KPNA4: variants seen among roughly 807,000 people sequenced by gnomAD.
The protein encoded by KPNA4 is importin subunit alpha-3.
Under a neutral mutation model 71.3 loss-of-function variants are expected in KPNA4, and 13 were observed. The ratio of observed to expected loss-of-function variants is 0.18; its 90% CI spans 0.12 to 0.29. The LOEUF (loss-of-function observed/expected upper bound fraction) is 0.29. Among genes scored for constraint, KPNA4 ranks in the 10% least tolerant of loss-of-function variants. The pLI is 1.00. For missense variants in KPNA4, 334 were observed against 603.2 expected (o/e 0.55, Z 4.67); for synonymous variants, 189 against 195.2 (o/e 0.97, Z 0.26).
intron 1 of KPNA4, among the ~76,000 whole-genome samples, chr3:160,554,451 T>A (rs973761774): frequency 1.3e-5 from 2 of 152,332 alleles, no homozygotes; most frequent in Non-Finnish European, 2.9e-5. Context: ...TTTCATATTG[T>A]GATACTGTGA....
intron 15 of KPNA4, among the ~76,000 whole-genome samples, chr3:160,507,328 G>C (rs987874545): frequency 6.6e-6 from 1 of 151,834 alleles, no homozygotes; most frequent in African/African-American, 2.4e-5. Flanking sequence ...ATGAAACCCC[G>C]TCTCTACTAA....
intron 1 of KPNA4, among the ~76,000 whole-genome samples, chr3:160,554,164 C>T (rs1295998701): frequency 6.6e-6 from 1 of 152,228 alleles, no homozygotes; most frequent in Non-Finnish European, 1.5e-5. Context: ...TCCCACTCAT[C>T]TCTTACGTTT....
At chr3:160,550,032 T>C (rs1397311378) in intron 1 of KPNA4, among the ~76,000 whole-genome samples, 1 of 152,210 alleles carries the variant, frequency 6.6e-6, no homozygotes, top group Non-Finnish European at 1.5e-5. Context: ...GATTGTTCAC[T>C]GTTAGTGTAT....
At position 160,508,116 on chromosome 3, in the gene KPNA4, C is replaced by G; in HGVS notation, c.1363G>C (p.Glu455Gln). The change falls in exon 15 of 17, where the codon GAA becomes CAA. Residue 455 changes from glutamate to glutamine, a missense_variant. Transcript: ENST00000334256. Reference sequence around the variant, plus strand: ...CTTATAATAAACTTACCTCCACATTCTTCTATAAGATTGCCTATGGTTTCT... The same window carrying G: ...CTTATAATAAACTTACCTCCACATTGTTCTATAAGATTGCCTATGGTTTCT... Reference protein sequence around the residue: ...EAETIGNLIEECGGLEKIEQL... With the variant: ...EAETIGNLIEQCGGLEKIEQL... 1.3e-6 allele frequency: 2 copies of G among 1,598,126 alleles called. No individual in the cohort carries two copies. Among genetic ancestry groups the G allele is most frequent in the Middle Eastern group, 3.3e-4 (2 of 5,984 alleles).
rs1361878725 is a variant in KPNA4, at chr3:160,508,116, C to T, written c.1363G>A (p.Glu455Lys). 6.3e-7 allele frequency: 1 copy of T among 1,598,126 alleles called. No individual in the cohort carries two copies. Among genetic ancestry groups the T allele is most frequent in the Admixed American group, 1.8e-5 (1 of 57,022 alleles). The stretch of plus-strand genomic sequence containing the variant: ...CTTATAATAAACTTACCTCCACATT[C>T]TTCTATAAGATTGCCTATGGTTTCT... ...EAETIGNLIE[E>K]CGGLEKIEQL... Residue 455 changes from glutamate (E) to lysine (K), a missense_variant, in exon 15 of 17, where the codon GAA becomes AAA. Glu to Lys is a moderately conservative substitution (Grantham distance 56). Transcript: ENST00000334256.
intron 10 of KPNA4, among the ~76,000 whole-genome samples, chr3:160,525,522 C>T (rs912351150): frequency 2.0e-5 from 3 of 152,120 alleles, no homozygotes; most frequent in African/African-American, 7.2e-5. Flanking sequence ...GTTTTTATAA[C>T]ACTAATATAT....
chr3:160,513,919 G>A (rs904315104), intron 13 of KPNA4, among the ~76,000 whole-genome samples, 158 bp downstream of exon 13: 40 of 151,976 alleles, frequency 2.6e-4, no homozygotes, highest in Non-Finnish European at 5.9e-5. Context: ...TATAAAAATG[G>A]CTAGGTTCAA....
chr3:160,515,572 T>A lies in KPNA4; in HGVS notation c.912A>T (p.Ala304=). The A allele has an allele frequency of 6.2e-7, 1 of 1,613,338 alleles. No homozygotes were observed. The highest frequency in any genetic ancestry group is 8.5e-7 in the Non-Finnish European group (1 of 1,179,612). The change falls in exon 12 of 17, where the codon GCA becomes GCT. Residue 304 remains alanine (A), a synonymous_variant. Coordinates refer to ENST00000334256, the MANE Select transcript of KPNA4 (RefSeq NM_002268.5). The part of the protein sequence containing the change: ...SHQEVKVQTA[A]LRAVGNIVTG... ...TAACAATGTTGCCCACAGCTCTAAG[T>A]GCAGCAGTCTGAAATGCACAATGAG...
chr3:160,544,081 C>T (rs1721858574), intron 1 of KPNA4, among the ~76,000 whole-genome samples: 1 of 152,146 alleles, frequency 6.6e-6, no homozygotes, highest in Non-Finnish European at 1.5e-5. Flanking sequence ...TGGTCCTGAA[C>T]TCCTGACCTC....
In KPNA4 at chr3:160,528,733, TGG is replaced by T. The variant is rs370174353; in HGVS notation, c.470-696_470-695del. On this transcript the variant is annotated intron_variant, in intron 7 of 16. Coordinates refer to ENST00000334256, the MANE Select transcript of KPNA4 (RefSeq NM_002268.5). ...GTCTTTAAGACAGGCCAGTGATTCCTGGGCCATGTGGGATCTTCCGAATCAGA... is the reference window on the plus strand; with the variant it reads ...GTCTTTAAGACAGGCCAGTGATTCCTGCCATGTGGGATCTTCCGAATCAGA... Among the ~76,000 whole-genome samples the T allele has an allele frequency of 2.3e-3, 352 of 152,330 alleles. 2 individuals are homozygous for T. Among genetic ancestry groups the T allele is most frequent in the African/African-American group, 7.8e-3 (325 of 41,572 alleles).
intron 5 of KPNA4, among the ~76,000 whole-genome samples, chr3:160,533,745 T>A (rs920851633): frequency 6.6e-6 from 1 of 152,278 alleles, no homozygotes; most frequent in East Asian, 1.9e-4. Flanking sequence ...AAAAGGCAAA[T>A]GAAGTCTTAG....
intron 10 of KPNA4, among the ~76,000 whole-genome samples, chr3:160,523,142 T>G (rs1358773170): frequency 6.6e-6 from 1 of 152,172 alleles, no homozygotes; most frequent in African/African-American, 2.4e-5. Flanking sequence ...ATGAACTCTG[T>G]GTCAAGACAA....
chr3:160,514,849 T>C (rs557431847), intron 12 of KPNA4: 2 of 435,136 alleles, frequency 4.6e-6, no homozygotes, highest in Non-Finnish European at 9.1e-6. Context: ...TAATCATAGA[T>C]AACTAATAAG....
rs1720813211 is a variant in KPNA4 at position 160,498,544 on chromosome 3, T to G, written c.*3560A>C. On this transcript the variant is annotated 3_prime_UTR_variant, in exon 17 of 17. Coordinates refer to ENST00000334256, the MANE Select transcript of KPNA4 (RefSeq NM_002268.5). ...TGAAGGTACCTCATCAGTTTGGCTT[T>G]GGGTTAATCAAAAGGGAGATCACCC... 6.6e-6 allele frequency: 1 copy of G among 152,280 alleles called. No individual in the cohort carries two copies. Among genetic ancestry groups the G allele is most frequent in the Non-Finnish European group, 1.5e-5 (1 of 68,104 alleles). The allele number at this position is 152,280 out of a possible 1,614,324, so 9.4% of individuals were successfully genotyped here.
chr3:160,510,352 CATA>C (rs56362065), intron 13 of KPNA4, among the ~76,000 whole-genome samples: 56,132 of 151,788 alleles, frequency 0.37, 11,786 homozygotes, highest in Non-Finnish European at 0.48. Flanking sequence ...ACATAAACTT[CATA>C]ATCTCATTTT....
chr3:160,551,069 C>CA (rs1371452739), intron 1 of KPNA4, among the ~76,000 whole-genome samples: 1 of 108,050 alleles, frequency 9.3e-6, no homozygotes, highest in East Asian at 2.1e-4. Flanking sequence ...GGACTGGCAT[C>CA]AATTCTTTAA....
intron 1 of KPNA4, among the ~76,000 whole-genome samples, chr3:160,554,647 C>T (rs1015140161): frequency 1.3e-5 from 2 of 152,232 alleles, no homozygotes; most frequent in South Asian, 4.2e-4. Context: ...ACTTTCAGCC[C>T]CACCCTCCAA....
chr3:160,505,618 A>C (rs1174758070), intron 15 of KPNA4, among the ~76,000 whole-genome samples: 1 of 152,214 alleles, frequency 6.6e-6, no homozygotes, highest in African/African-American at 2.4e-5. Flanking sequence ...TTGTTGATAC[A>C]CAAATTGGAT....
chr3:160,547,180 T>C (rs1721930068), intron 1 of KPNA4, among the ~76,000 whole-genome samples: 1 of 152,360 alleles, frequency 6.6e-6, no homozygotes, highest in East Asian at 1.9e-4. Context: ...GTATTAATGT[T>C]ATCTTGTCAT....
Sources: allele counts gnomAD v4.1 joint callset (sites outside exome capture counted in the v4.1 genomes callset), GRCh38; gene constraint gnomAD v4.1.1; transcripts MANE v1.5; gene names NCBI Gene and HGNC (gene_info 2026-07-23, HGNC 2026-07-21).